The following KIAA1671 variants were observed in gnomAD, a reference collection of about 807,000 sequenced individuals.
KIAA1671 encodes the protein KIAA1671.
In KIAA1671, 52 loss-of-function variants were observed where a neutral mutation model predicts 131.2. The observed-to-expected ratio is 0.40, with a 90% CI of 0.32 to 0.50. KIAA1671 has a LOEUF of 0.50. KIAA1671 is among the 20% of genes least tolerant of loss of function. KIAA1671 has a pLI of 0.73. For synonymous variants in KIAA1671, 1,003 were observed against 961.6 expected (o/e 1.04, Z -0.80); for missense variants, 2,360 against 2,364.2 (o/e 1.00, Z 0.04).
intron 6 of KIAA1671, among the ~76,000 whole-genome samples, chr22:25,088,258 C>T (rs111917266): frequency 0.12 from 18,642 of 152,062 alleles, 1,163 homozygotes; most frequent in South Asian, 0.15. Flanking sequence ...CAGGCGTGCA[C>T]CACCACACCC....
chr22:25,019,829 A>G (rs942165990), intron 1 of KIAA1671, among the ~76,000 whole-genome samples: 1 of 152,146 alleles, frequency 6.6e-6, no homozygotes. Flanking sequence ...TCTGATTCCA[A>G]ACTAAAGACT....
At chr22:24,980,167 T>G (rs570027510) in intron 1 of KIAA1671, among the ~76,000 whole-genome samples, 1 of 152,258 alleles carries the variant, frequency 6.6e-6, no homozygotes, top group African/African-American at 2.4e-5. Flanking sequence ...CATTGTTTAT[T>G]CATTCATTCA....
chr22:25,036,916 C>T (rs2145800678), intron 4 of KIAA1671, among the ~76,000 whole-genome samples: 1 of 150,978 alleles, frequency 6.6e-6, no homozygotes, highest in South Asian at 2.1e-4. Flanking sequence ...AAGAGCGAAA[C>T]TCCATCTCAA....
chr22:25,182,261 T>C (rs553278064), intron 10 of KIAA1671, among the ~76,000 whole-genome samples: 4 of 151,700 alleles, frequency 2.6e-5, no homozygotes, highest in African/African-American at 9.7e-5. Context: ...CTCCTTCCTT[T>C]TGTCCCTTCT....
At chr22:25,138,690 C>CTGTGATGTGA (rs1200251734) in intron 6 of KIAA1671, among the ~76,000 whole-genome samples, 1 of 152,196 alleles carries the variant, frequency 6.6e-6, no homozygotes, top group African/African-American at 2.4e-5. Flanking sequence ...GGACTGGAAC[C>CTGTGATGTGA]TGTGATGTGA....
chr22:25,133,869 G>A (rs752017858), intron 6 of KIAA1671, among the ~76,000 whole-genome samples: 24 of 152,252 alleles, frequency 1.6e-4, no homozygotes, highest in African/African-American at 4.1e-4. Context: ...TTTATTGGGC[G>A]GAGAGGAAGG....
chr22:25,003,964 C>T (rs2049981), intron 1 of KIAA1671, among the ~76,000 whole-genome samples: 30,709 of 151,036 alleles, frequency 0.2, 3,301 homozygotes, highest in East Asian at 0.45. Context: ...ATTACAGGCG[C>T]GCGCCACCAC....
At chr22:25,080,617 T>C (rs55664219) in intron 6 of KIAA1671, among the ~76,000 whole-genome samples, 44,458 of 152,078 alleles carry the variant, frequency 0.29, 6,621 homozygotes, top group Middle Eastern at 0.34. Context: ...GGTGCAATCA[T>C]AGCTCACTAA....
At chr22:25,032,569 G>C in intron 3 of KIAA1671, 40 bp from the exon 4 acceptor site, 5 of 1,350,462 alleles carry the variant, frequency 3.7e-6, no homozygotes, top group Non-Finnish European at 5.2e-6. Context: ...GGGAATAACA[G>C]CTTCCAGCTC....
chr22:25,110,312 T>C (rs543213591), intron 6 of KIAA1671, among the ~76,000 whole-genome samples: 59 of 152,176 alleles, frequency 3.9e-4, no homozygotes, highest in Non-Finnish European at 8.1e-4. Flanking sequence ...AGTGAGGTGG[T>C]GGTGGAAAGG....
chr22:24,986,486 GA>G (rs143401425), intron 1 of KIAA1671, among the ~76,000 whole-genome samples: 22 of 150,766 alleles, frequency 1.5e-4, no homozygotes, highest in South Asian at 8.4e-4. Flanking sequence ...AATATGACAA[GA>G]AAAAAAAACT....
At chr22:25,086,747 C>T (rs1929744149) in intron 6 of KIAA1671, among the ~76,000 whole-genome samples, 1 of 152,204 alleles carries the variant, frequency 6.6e-6, no homozygotes, top group Non-Finnish European at 1.5e-5. Flanking sequence ...CATATTTTCT[C>T]CACACCAGGC....
chr22:25,170,033 C>T (rs1933790510), intron 6 of KIAA1671, among the ~76,000 whole-genome samples: 1 of 152,160 alleles, frequency 6.6e-6, no homozygotes, highest in Non-Finnish European at 1.5e-5. Flanking sequence ...CCTGCCTCAG[C>T]CTCCCAAGTA....
At chr22:25,165,673 C>A (rs1250000896) in intron 6 of KIAA1671, among the ~76,000 whole-genome samples, 1 of 152,172 alleles carries the variant, frequency 6.6e-6, no homozygotes, top group Admixed American at 6.5e-5. Flanking sequence ...ATGTAGAGAC[C>A]TGAGGTCTAG....
At chr22:25,012,540 T>G (rs1355711373) in intron 1 of KIAA1671, 3 of 152,126 alleles carry the variant, frequency 2.0e-5, no homozygotes, top group Admixed American at 2.0e-4. Context: ...CCCAAAGTGT[T>G]GAGATTACAG....
chr22:25,012,495 A>G (rs1407776785), intron 1 of KIAA1671: 1 of 151,888 alleles, frequency 6.6e-6, no homozygotes, highest in Non-Finnish European at 1.5e-5. Context: ...CTGGTCTCGA[A>G]CCCCTGACCT....
intron 6 of KIAA1671, among the ~76,000 whole-genome samples, chr22:25,134,427 G>C (rs544342984): frequency 5.0e-4 from 76 of 152,182 alleles, no homozygotes; most frequent in Admixed American, 9.2e-4. Context: ...ACTTTTATAG[G>C]CATGTGATGC....
intron 1 of KIAA1671, among the ~76,000 whole-genome samples, chr22:25,015,562 A>G (rs1277484732): frequency 6.6e-6 from 1 of 152,172 alleles, no homozygotes; most frequent in Non-Finnish European, 1.5e-5. Flanking sequence ...GCACTTGGAC[A>G]AGCGGCCTGG....
chr22:25,166,169 G>C (rs137911459), intron 6 of KIAA1671, among the ~76,000 whole-genome samples: 2 of 152,212 alleles, frequency 1.3e-5, no homozygotes, highest in African/African-American at 4.8e-5. Context: ...AATGTTGTTC[G>C]AGAAAGAGAC....
Sources: allele counts gnomAD v4.1 joint callset (sites outside exome capture counted in the v4.1 genomes callset), GRCh38; gene constraint gnomAD v4.1.1; transcripts MANE v1.5; gene names NCBI Gene and HGNC (gene_info 2026-07-23, HGNC 2026-07-21).